The following TGM7 variants were observed in gnomAD, a reference collection of about 807,000 sequenced individuals.
The protein encoded by TGM7 is transglutaminase 7, also known as protein-glutamine gamma-glutamyltransferase Z.
TGM7 carries 74 observed loss-of-function variants against 79.5 expected under a neutral mutation model. That is an observed-to-expected ratio of 0.93 (90% confidence interval 0.77 to 1.13). The LOEUF is 1.13. TGM7 is among the 50% of genes most tolerant of loss of function. The pLI is 0.00. For synonymous variants in TGM7, 354 were observed against 362.5 expected, an observed-to-expected ratio of 0.98 and a Z score of 0.27; for missense variants, 912 against 905.9, an observed-to-expected ratio of 1.01 and a Z score of -0.09.
intron 4 of TGM7, among the ~76,000 whole-genome samples, chr15:43,288,864 C>T (rs751551139): frequency 2.6e-5 from 4 of 152,026 alleles, no homozygotes; most frequent in Non-Finnish European, 5.9e-5. Context: ...CAGGAGGTTG[C>T]AGTGAGCCAA....
At chr15:43,299,239 A>G (rs1360743443) in intron 1 of TGM7, among the ~76,000 whole-genome samples, 1 of 152,192 alleles carries the variant, frequency 6.6e-6, no homozygotes. Flanking sequence ...GCAGGATCAA[A>G]GCTGAACTTT....
chr15:43,297,133 A>G (rs1340878566), intron 1 of TGM7, among the ~76,000 whole-genome samples: 3 of 152,178 alleles, frequency 2.0e-5, no homozygotes, highest in African/African-American at 7.2e-5. Context: ...AGGATCAAAT[A>G]TATCCTGATG....
chr15:43,294,004 T>C (rs2142418634), intron 1 of TGM7, among the ~76,000 whole-genome samples: 2 of 151,810 alleles, frequency 1.3e-5, no homozygotes, highest in South Asian at 4.2e-4. Flanking sequence ...TGATCAAGGA[T>C]TGGGGTCCCC....
At chr15:43,278,901 G>A (rs1392262959) in intron 11 of TGM7, among the ~76,000 whole-genome samples, 3 of 152,190 alleles carry the variant, frequency 2.0e-5, no homozygotes, top group Non-Finnish European at 4.4e-5. Context: ...TTTCTCTATA[G>A]TTTCCTATGC....
chr15:43,286,813 G>A (rs575671463), intron 6 of TGM7, among the ~76,000 whole-genome samples: 2 of 152,140 alleles, frequency 1.3e-5, no homozygotes, highest in South Asian at 2.1e-4. Flanking sequence ...GTTCTTTAAG[G>A]GTAGTCAGCA....
intron 4 of TGM7, among the ~76,000 whole-genome samples, chr15:43,290,523 G>A (rs1339088137): frequency 6.6e-6 from 1 of 152,120 alleles, no homozygotes; most frequent in Non-Finnish European, 1.5e-5. Flanking sequence ...TGTTCTTTTG[G>A]CTTAGGATTG....
chr15:43,279,879 G>A lies in TGM7; in HGVS notation c.1424C>T (p.Pro475Leu). ...CCCAGACTCCAGGAGATCCAGGAAGGGCAAAGAAGCTCTTTGGGGGCCCAG... is the reference window on the plus strand; with the variant it reads ...CCCAGACTCCAGGAGATCCAGGAAGAGCAAAGAAGCTCTTTGGGGGCCCAG... ...KMLGPQRASLPFLDLLESGGL... is the reference protein window; with the variant it reads ...KMLGPQRASLLFLDLLESGGL... The change falls in exon 10 of 13, where the codon CCC becomes CTC. Residue 475 changes from proline (P) to leucine (L), a missense_variant. Coordinates refer to ENST00000452443, the MANE Select transcript of TGM7 (RefSeq NM_052955.3). 2.5e-6 allele frequency: 4 copies of A among 1,614,222 alleles called. No homozygotes were observed. The highest frequency in any genetic ancestry group is 1.7e-6 in the Non-Finnish European group (2 of 1,180,046).
chr15:43,277,735 G>A (rs1464646516), intron 11 of TGM7, among the ~76,000 whole-genome samples: 1 of 152,226 alleles, frequency 6.6e-6, no homozygotes, highest in Admixed American at 6.5e-5. Context: ...GTAAGCACGT[G>A]TTGAACTGAA....
intron 9 of TGM7, among the ~76,000 whole-genome samples, chr15:43,281,566 A>G (rs759672000): frequency 2.0e-5 from 3 of 152,290 alleles, no homozygotes; most frequent in Non-Finnish European, 4.4e-5. Context: ...TTTTTAGAAT[A>G]AGTATGTCTC....
At chr15:43,280,393 A>G (rs1240302710) in intron 9 of TGM7, among the ~76,000 whole-genome samples, 1 of 152,084 alleles carries the variant, frequency 6.6e-6, no homozygotes, top group Non-Finnish European at 1.5e-5. Flanking sequence ...GGAGGTTGAG[A>G]TGGGTGGATC....
chr15:43,295,496 G>A lies in TGM7; in HGVS notation c.11-1865C>T, dbSNP rs182533696. On this transcript the variant is annotated intron_variant, in intron 1 of 12. Transcript: ENST00000452443. The stretch of plus-strand genomic sequence containing the variant: ...TCCCAGCTTCTTGGGAGGCTGAGGC[G>A]GGAGAATTGCCTGAGCCCAGGAGGT... 2.0e-3 allele frequency among the ~76,000 whole-genome samples: 308 copies of A among 152,212 alleles called. 3 individuals are homozygous for A. Among genetic ancestry groups the A allele is most frequent in the African/African-American group, 7.1e-3 (294 of 41,534 alleles).
chr15:43,302,197 T>A lies in TGM7; in HGVS notation c.10+44A>T, dbSNP rs546677002. The stretch of plus-strand genomic sequence containing the variant: ...CCCTCTCCAAACTTCTCCCCTCTCT[T>A]GACTTAGCACCTCCGAAAAGGTAAG... On this transcript the variant is annotated intron_variant, in intron 1 of 12. Coordinates refer to ENST00000452443, the MANE Select transcript of TGM7 (RefSeq NM_052955.3). The A allele has an allele frequency of 3.1e-6, 5 of 1,613,834 alleles. No homozygotes were observed. The South Asian group carries it at 5.5e-5, about 18-fold the overall frequency.
intron 1 of TGM7, among the ~76,000 whole-genome samples, chr15:43,297,506 A>AGAAG (rs748571263): frequency 3.5e-5 from 4 of 113,352 alleles, no homozygotes; most frequent in African/African-American, 1.5e-4. Context: ...AAAGAAAGAA[A>AGAAG]GAAGGAAGGA....
chr15:43,293,451 G>A lies in TGM7; in HGVS notation c.191C>T (p.Thr64Ile), dbSNP rs777128962. 6.3e-7 allele frequency: 1 copy of A among 1,599,276 alleles called. No individual in the cohort carries two copies. Among genetic ancestry groups the A allele is most frequent in the Non-Finnish European group, 8.5e-7 (1 of 1,170,292 alleles). ...QNDHITFVAE[T>I]GPKPSELLGT... ...GCCTTGGGACAGGGCAAACTCACCG[G>A]TCTCAGCCACAAAGGTGATGTGGTC... The change falls in exon 2 of 13, where the codon ACC (threonine) becomes ATC (isoleucine). Residue 64 changes from threonine to isoleucine, a missense_variant and splice_region_variant. By Grantham distance (89) the Thr-to-Ile change is moderately conservative. Transcript: ENST00000452443.
chr15:43,299,929 C>A (rs2043017912), intron 1 of TGM7, among the ~76,000 whole-genome samples: 1 of 152,084 alleles, frequency 6.6e-6, no homozygotes, highest in Non-Finnish European at 1.5e-5. Flanking sequence ...AGTTCAAGTC[C>A]AAACTCCTTA....
rs1246855335 is a variant in TGM7, at chr15:43,281,979, T to A, written c.1216A>T (p.Ile406Phe). The A allele has an allele frequency of 6.2e-7, 1 of 1,614,178 alleles. No homozygotes were observed. The highest frequency in any genetic ancestry group is 8.5e-7 in the Non-Finnish European group (1 of 1,180,026). The change falls in exon 9 of 13, where the codon ATT (isoleucine) becomes TTT (phenylalanine). Residue 406 changes from isoleucine (I) to phenylalanine (F), a missense_variant. Ile to Phe is a conservative substitution (Grantham distance 21). Transcript: ENST00000452443. ...GCCTGGCCATCCCCAAGGAGCCAAA[T>A]GACTTCATCGGCGTTCACCTCGGCA... is the stretch of plus-strand genomic sequence containing the variant. Reference protein sequence around the residue: ...VYAEVNADEVIWLLGDGQAQE... With the variant: ...VYAEVNADEVFWLLGDGQAQE...
intron 1 of TGM7, among the ~76,000 whole-genome samples, chr15:43,297,635 A>AAGAGAAAG (rs5812242): frequency 9.0e-5 from 7 of 77,544 alleles, no homozygotes; most frequent in Admixed American, 6.8e-4. Context: ...GAAAGAAAGA[A>AAGAGAAAG]AAAGAAAGAA....
intron 9 of TGM7, 148 bp downstream of exon 9, chr15:43,281,696 A>C (rs971289241): frequency 8.1e-7 from 1 of 1,236,062 alleles, no homozygotes; most frequent in African/African-American, 1.5e-5. Flanking sequence ...CCCTAGGGCC[A>C]CATGCCTGGG....
At chr15:43,286,755 C>A (rs930166204) in intron 6 of TGM7, among the ~76,000 whole-genome samples, 5 of 152,222 alleles carry the variant, frequency 3.3e-5, no homozygotes, top group African/African-American at 1.2e-4. Flanking sequence ...GTCTGCTCAA[C>A]AACTTTGCAC....
Sources: allele counts gnomAD v4.1 joint callset (sites outside exome capture counted in the v4.1 genomes callset), GRCh38; gene constraint gnomAD v4.1.1; transcripts MANE v1.5; gene names NCBI Gene and HGNC (gene_info 2026-07-23, HGNC 2026-07-21).